Variants in WDPCP observed in about 807,000 individuals in gnomAD.
WDPCP encodes WD repeat containing planar cell polarity effector, also known as WD repeat-containing and planar cell polarity effector protein fritz homolog.
In WDPCP, 71 loss-of-function variants were observed where a neutral mutation model predicts 93.1. The ratio of observed to expected loss-of-function variants is 0.76; its 90% CI spans 0.63 to 0.93. The LOEUF is 0.93. Among genes scored for constraint, WDPCP ranks in the 40% least tolerant of loss-of-function variants. The probability of loss-of-function intolerance (pLI) is 0.00; values close to 1 mark genes in which losing one functional copy is unlikely to be tolerated. For missense variants in WDPCP, 844 were observed against 887.4 expected (o/e 0.95, Z 0.62); for synonymous variants, 315 against 315.0 (o/e 1.00, Z 0.00).
chr2:63,457,394 A>T (rs1698696111), intron 6 of WDPCP, among the ~76,000 whole-genome samples: 1 of 152,166 alleles, frequency 6.6e-6, no homozygotes, highest in South Asian at 2.1e-4. Context: ...CACATGTATA[A>T]AGAAGAACTA....
At chr2:63,536,358 G>C (rs1704275332) in intron 1 of WDPCP, among the ~76,000 whole-genome samples, 1 of 152,122 alleles carries the variant, frequency 6.6e-6, no homozygotes. Context: ...TCCCATTACT[G>C]GGCATATACC....
intron 14 of WDPCP, among the ~76,000 whole-genome samples, chr2:63,238,374 G>T (rs143105172): frequency 6.6e-6 from 1 of 151,846 alleles, no homozygotes; most frequent in South Asian, 2.1e-4. Flanking sequence ...TGTGACTGGG[G>T]AACTACATTT....
At chr2:63,573,181 T>G (rs1178736915) in intron 1 of WDPCP, among the ~76,000 whole-genome samples, 7 of 151,104 alleles carry the variant, frequency 4.6e-5, no homozygotes, top group African/African-American at 1.7e-4. Flanking sequence ...AAGTAGAGGC[T>G]GCAGTGAGCC....
intron 16 of WDPCP, chr2:63,153,234 G>A (rs530402823): frequency 1.8e-6 from 1 of 557,908 alleles, no homozygotes; most frequent in African/African-American, 1.9e-5. Flanking sequence ...AGAGCCATAG[G>A]CTCCAGCCCA....
chr2:63,252,664 C>T (rs1680829707), intron 14 of WDPCP, among the ~76,000 whole-genome samples: 1 of 152,086 alleles, frequency 6.6e-6, no homozygotes, highest in African/African-American at 2.4e-5. Flanking sequence ...AACATAATCC[C>T]ACTTACAATA....
In WDPCP at chr2:63,278,000, C is replaced by T. The variant is rs142799039; in HGVS notation, c.1813-18591G>A. The stretch of plus-strand genomic sequence containing the variant: ...TCTCCAAGACAGAGCATATGAAGAC[C>T]ATATGACAGGCCACAAAACAAGTCT... On this transcript the variant is annotated intron_variant, in intron 13 of 17. Coordinates refer to ENST00000272321, the MANE Select transcript of WDPCP (RefSeq NM_015910.7). Among the ~76,000 whole-genome samples, 75 of 152,258 alleles carry T rather than the reference C, an allele frequency of 4.9e-4. 1 individual carries two copies. In the East Asian group the frequency reaches 0.011, roughly 22 times the overall value.
chr2:63,685,109 A>T (rs1326542681), intron 2 of WDPCP, among the ~76,000 whole-genome samples: 1 of 152,190 alleles, frequency 6.6e-6, no homozygotes, highest in Non-Finnish European at 1.5e-5. Flanking sequence ...AATAATACAG[A>T]TCAAGGCCAT....
chr2:63,528,929 C>T (rs1024135116), intron 1 of WDPCP, among the ~76,000 whole-genome samples: 3 of 152,186 alleles, frequency 2.0e-5, no homozygotes, highest in Admixed American at 6.5e-5. Context: ...AGGTTCTTCA[C>T]ATCCCTAGTA....
At chr2:63,640,867 T>A (rs1376252124) in intron 3 of WDPCP, among the ~76,000 whole-genome samples, 1 of 152,222 alleles carries the variant, frequency 6.6e-6, no homozygotes, top group Non-Finnish European at 1.5e-5. Context: ...TAAATTATTA[T>A]CGACTATAGT....
At chr2:63,441,853 T>A (rs143844737) in intron 6 of WDPCP, 3 of 152,124 alleles carry the variant, frequency 2.0e-5, no homozygotes, top group Admixed American at 6.6e-5. Context: ...ATTCATTATA[T>A]GCCAAGCACT....
At position 63,461,317 on chromosome 2, in the gene WDPCP, C is replaced by T. The variant is rs138707261; in HGVS notation, c.385-21446G>A. Among the ~76,000 whole-genome samples the T allele has an allele frequency of 3.8e-3, 578 of 152,228 alleles. 4 individuals carry two copies. The highest frequency in any genetic ancestry group is 0.013 in the African/African-American group (540 of 41,532). The stretch of plus-strand genomic sequence containing the variant: ...TGGTGTTATCCTGGCAATAGTGAGA[C>T]AGTGTTCACTAAATTTAGTTGTTTA... On this transcript the variant is annotated intron_variant, in intron 6 of 17. Transcript: ENST00000272321.
intron 1 of WDPCP, 81 bp downstream of exon 1, chr2:63,588,116 A>G: frequency 6.0e-6 from 9 of 1,504,052 alleles, no homozygotes; most frequent in Non-Finnish European, 8.2e-6. Context: ...CAGCGGATAA[A>G]AGCAAAGCGG....
rs532622077 is a variant in WDPCP at position 63,614,509 on chromosome 2, A to G, written n.488+36150T>C. Reference sequence around the variant, plus strand: ...CAGCCCAAGGTATGATGTCTTTGGTATGCTGAGTACTTTGAAATGAAAGAG... The same window carrying G: ...CAGCCCAAGGTATGATGTCTTTGGTGTGCTGAGTACTTTGAAATGAAAGAG... On this transcript the variant is annotated intron_variant and non_coding_transcript_variant, in intron 3 of 4. Coordinates refer to the WDPCP transcript ENST00000467687. Among the ~76,000 whole-genome samples, 3 of 152,328 alleles carry G rather than the reference A, an allele frequency of 2.0e-5. No homozygotes were observed. The East Asian group carries it at 5.8e-4, about 29-fold the overall frequency.
chr2:63,203,789 T>G (rs774358259), intron 14 of WDPCP, among the ~76,000 whole-genome samples: 10 of 152,208 alleles, frequency 6.6e-5, no homozygotes, highest in Non-Finnish European at 1.5e-4. Flanking sequence ...TCATTTTAAT[T>G]TTTAGCTCTT....
chr2:63,299,131 A>G (rs972860208), intron 13 of WDPCP, among the ~76,000 whole-genome samples: 2 of 152,210 alleles, frequency 1.3e-5, no homozygotes, highest in Non-Finnish European at 2.9e-5. Context: ...CTGAAAGGGC[A>G]CAGGCTGCTA....
chr2:63,529,383 T>C (rs1029788787), intron 1 of WDPCP, among the ~76,000 whole-genome samples: 33 of 152,222 alleles, frequency 2.2e-4, no homozygotes, highest in Admixed American at 1.9e-3. Flanking sequence ...CTTTGAGATA[T>C]GTCCCACCAA....
intron 12 of WDPCP, among the ~76,000 whole-genome samples, chr2:63,360,300 G>A (rs1178776202): frequency 6.6e-6 from 1 of 152,202 alleles, no homozygotes; most frequent in Admixed American, 6.5e-5. Context: ...GTTATGCAGA[G>A]AAACTTAAGC....
intron 2 of WDPCP, among the ~76,000 whole-genome samples, chr2:63,701,801 A>G (rs1288753152): frequency 6.6e-6 from 1 of 152,168 alleles, no homozygotes; most frequent in Non-Finnish European, 1.5e-5. Flanking sequence ...TTAAAAAGTG[A>G]CTATCATGAA....
At chr2:63,242,237 A>AG (rs1679913157) in intron 14 of WDPCP, among the ~76,000 whole-genome samples, 1 of 152,332 alleles carries the variant, frequency 6.6e-6, no homozygotes, top group Admixed American at 6.5e-5. Context: ...ATAATGCTAC[A>AG]GCTTTTTTAT....
Sources: gnomAD v4.1 joint callset for allele counts (sites outside exome capture counted in the v4.1 genomes callset) on GRCh38, gnomAD v4.1.1 for gene constraint, MANE v1.5 for transcripts, NCBI Gene and HGNC (gene_info 2026-07-23, HGNC 2026-07-21) for gene names.